Variants in APBA1 observed in about 807,000 individuals in gnomAD.
APBA1 encodes the protein amyloid beta precursor protein binding family A member 1.
In APBA1, 55 loss-of-function variants were observed where a neutral mutation model predicts 86.6. The observed-to-expected ratio is 0.64, with a 90% CI of 0.51 to 0.80. APBA1 has a LOEUF of 0.80. Ranked by LOEUF, APBA1 falls within the 30% of genes least tolerant of loss-of-function variation. The probability of loss-of-function intolerance (pLI) is 0.00; values close to 1 mark genes in which losing one functional copy is unlikely to be tolerated. For synonymous variants in APBA1, 511 were observed against 493.9 expected (o/e 1.03, Z -0.46); for missense variants, 1,090 against 1,183.0 (o/e 0.92, Z 1.15).
chr9:69,608,655 C>T (rs1822523229), intron 1 of APBA1, among the ~76,000 whole-genome samples: 1 of 152,162 alleles, frequency 6.6e-6, no homozygotes. Flanking sequence ...AAGAGGCCCC[C>T]CTTTGAGTCC....
chr9:69,534,767 C>T (rs969783346), intron 1 of APBA1, among the ~76,000 whole-genome samples: 4 of 152,056 alleles, frequency 2.6e-5, no homozygotes, highest in African/African-American at 4.8e-5. Context: ...TCTTCTAATT[C>T]TTCTAGGGGT....
intron 1 of APBA1, among the ~76,000 whole-genome samples, chr9:69,615,567 C>A (rs1822682647): frequency 6.6e-6 from 1 of 152,160 alleles, no homozygotes; most frequent in African/African-American, 2.4e-5. Context: ...CTGAAGTATG[C>A]CTTGATCTGG....
chr9:69,484,982 A>G (rs1835583092), intron 2 of APBA1, among the ~76,000 whole-genome samples: 1 of 149,180 alleles, frequency 6.7e-6, no homozygotes, highest in East Asian at 2.0e-4. Context: ...AAACTGAAAA[A>G]CTTTTTTTTT....
chr9:69,525,821 AT>A (rs1266058582), intron 1 of APBA1, among the ~76,000 whole-genome samples: 2 of 152,160 alleles, frequency 1.3e-5, no homozygotes, highest in Non-Finnish European at 2.9e-5. Context: ...AAACTATACT[AT>A]AAGGCCACAG....
intron 2 of APBA1, among the ~76,000 whole-genome samples, chr9:69,494,105 G>A (rs1355301980): frequency 6.6e-6 from 1 of 152,068 alleles, no homozygotes; most frequent in Non-Finnish European, 1.5e-5. Context: ...TTAATGTGGT[G>A]AAGTAGAAAG....
intron 1 of APBA1, among the ~76,000 whole-genome samples, chr9:69,561,005 A>G (rs137862901): frequency 5.5e-4 from 84 of 152,336 alleles, no homozygotes; most frequent in African/African-American, 1.8e-3. Context: ...AAGGAAGTAA[A>G]CTGAATAATA....
intron 1 of APBA1, among the ~76,000 whole-genome samples, chr9:69,589,143 AT>A (rs1185855553): frequency 6.6e-6 from 1 of 152,044 alleles, no homozygotes. Context: ...TTTTTTAAAG[AT>A]GGGGTTTTAC....
chr9:69,437,258 C>T (rs984765948), intron 11 of APBA1, among the ~76,000 whole-genome samples: 3 of 151,492 alleles, frequency 2.0e-5, no homozygotes, highest in Non-Finnish European at 2.9e-5. Context: ...TGTGTCTCTG[C>T]CCGGCTTTGG....
At chr9:69,453,807 C>T (rs1249392713) in intron 8 of APBA1, among the ~76,000 whole-genome samples, 4 of 152,256 alleles carry the variant, frequency 2.6e-5, no homozygotes, top group African/African-American at 7.2e-5. Context: ...ATTCTATAAA[C>T]GGCCTGCCAG....
chr9:69,490,567 C>T (rs557897069), intron 2 of APBA1, among the ~76,000 whole-genome samples: 52 of 151,716 alleles, frequency 3.4e-4, no homozygotes, highest in Non-Finnish European at 5.6e-4. Context: ...GTCTAAAACA[C>T]CAAAAGCAAT....
intron 2 of APBA1, among the ~76,000 whole-genome samples, chr9:69,488,210 T>C (rs531042704): frequency 6.6e-6 from 1 of 152,130 alleles, no homozygotes; most frequent in Admixed American, 6.5e-5. Context: ...ACTGAGTCAG[T>C]CCTTAAATAT....
intron 1 of APBA1, among the ~76,000 whole-genome samples, chr9:69,620,803 C>T (rs1203298811): frequency 6.6e-6 from 1 of 152,238 alleles, no homozygotes; most frequent in African/African-American, 2.4e-5. Flanking sequence ...CACTCCATCT[C>T]TGCATGGAGA....
At chr9:69,523,206 G>T (rs1836280386) in intron 1 of APBA1, among the ~76,000 whole-genome samples, 1 of 152,000 alleles carries the variant, frequency 6.6e-6, no homozygotes, top group South Asian at 2.1e-4. Flanking sequence ...AGGGGAGGCT[G>T]TAAATTACTT....
chr9:69,626,419 G>A (rs771289472), intron 1 of APBA1, among the ~76,000 whole-genome samples: 11 of 152,110 alleles, frequency 7.2e-5, no homozygotes, highest in Admixed American at 1.3e-4. Context: ...AAAAGCCAAC[G>A]GGGGAATCCA....
chr9:69,521,904 T>G (rs1346850620), intron 1 of APBA1, among the ~76,000 whole-genome samples: 1 of 151,894 alleles, frequency 6.6e-6, no homozygotes, highest in Non-Finnish European at 1.5e-5. Context: ...TGGTACATCA[T>G]GGTAAAGGAT....
At chr9:69,466,009 G>A (rs181891562) in intron 5 of APBA1, among the ~76,000 whole-genome samples, 142 of 152,302 alleles carry the variant, frequency 9.3e-4, no homozygotes, top group African/African-American at 3.4e-3. Flanking sequence ...AGTCACTCTT[G>A]AGGCAGTTGC....
intron 1 of APBA1, among the ~76,000 whole-genome samples, chr9:69,641,940 G>A (rs1045385090): frequency 2.0e-5 from 3 of 152,134 alleles, no homozygotes; most frequent in African/African-American, 7.2e-5. Context: ...CCGCCTCCCG[G>A]ATTCAACCGA....
chr9:69,559,466 TG>T (rs543734681), intron 1 of APBA1, among the ~76,000 whole-genome samples: 13 of 152,230 alleles, frequency 8.5e-5, no homozygotes, highest in Non-Finnish European at 1.9e-4. Context: ...TTTATATAAA[TG>T]GAATCCTATG....
chr9:69,528,926 T>TC (rs141857567), intron 1 of APBA1, among the ~76,000 whole-genome samples: 2,047 of 152,192 alleles, frequency 0.013, 40 homozygotes, highest in African/African-American at 0.046. Flanking sequence ...ATGTAGTCTT[T>TC]TTTTTTGAGA....
Sources: gnomAD v4.1 joint callset for allele counts (sites outside exome capture counted in the v4.1 genomes callset) on GRCh38, gnomAD v4.1.1 for gene constraint, MANE v1.5 for transcripts, NCBI Gene and HGNC (gene_info 2026-07-23, HGNC 2026-07-21) for gene names.